The following RGS7 variants were observed in gnomAD, a reference collection of about 807,000 sequenced individuals.
The protein encoded by RGS7 is regulator of G protein signaling 7.
A neutral mutation model predicts 81.1 loss-of-function variants in RGS7; 27 were observed. The ratio of observed to expected loss-of-function variants is 0.33; its 90% CI spans 0.25 to 0.46. RGS7 has a LOEUF of 0.46. Among genes scored for constraint, RGS7 ranks in the 20% least tolerant of loss-of-function variants. RGS7 has a pLI of 1.00. For synonymous variants in RGS7, 208 were observed against 207.7 expected (o/e 1.00, Z -0.01); for missense variants, 396 against 607.4 (o/e 0.65, Z 3.66).
chr1:241,123,522 G>A (rs554860987), intron 2 of RGS7, among the ~76,000 whole-genome samples: 4 of 152,298 alleles, frequency 2.6e-5, no homozygotes, highest in East Asian at 1.9e-4. Flanking sequence ...ATGCCAAGGC[G>A]GGTGGATCAC....
chr1:240,964,725 T>C (rs534916511), intron 4 of RGS7, among the ~76,000 whole-genome samples: 18 of 152,328 alleles, frequency 1.2e-4, no homozygotes, highest in Admixed American at 7.2e-4. Flanking sequence ...GTTACTATTT[T>C]ATCACCCTAT....
At chr1:241,169,629 C>T (rs958842512) in intron 2 of RGS7, among the ~76,000 whole-genome samples, 3 of 152,090 alleles carry the variant, frequency 2.0e-5, no homozygotes. Context: ...AGGCGTGAAC[C>T]ACCCGCACCT....
chr1:241,069,592 G>A (rs1286824094), intron 3 of RGS7, among the ~76,000 whole-genome samples: 5 of 152,056 alleles, frequency 3.3e-5, no homozygotes, highest in Non-Finnish European at 5.9e-5. Context: ...AGTATAACAC[G>A]CTTCTCATTT....
chr1:241,203,436 TG>T (rs1335477921), intron 2 of RGS7, among the ~76,000 whole-genome samples: 76 of 152,102 alleles, frequency 5.0e-4, no homozygotes, highest in Non-Finnish European at 2.5e-4. Context: ...TTCACTGTGT[TG>T]GTCAGGATGG....
chr1:241,078,301 C>CTGTGTG (rs71568986), intron 3 of RGS7, among the ~76,000 whole-genome samples: 1,921 of 130,244 alleles, frequency 0.015, 24 homozygotes, highest in East Asian at 0.03. Context: ...CTTCTGGTCT[C>CTGTGTG]TGTGTGTGTG....
rs1682850029 is a variant in RGS7 at position 240,775,814 on chromosome 1, T to G, written c.*406A>C. The G allele has an allele frequency of 7.6e-6, 2 of 264,776 alleles. No individual in the cohort carries two copies. The highest frequency in any genetic ancestry group is 1.5e-5 in the Non-Finnish European group (2 of 135,132). The allele number at this position is 264,776 out of a possible 1,614,324, so 16.4% of individuals were successfully genotyped here. A position where few individuals can be genotyped will look rare whatever the true frequency, so the allele number is the denominator to read the frequency against. ...CTTTTTTCTTTTACAGTTCTTCCAG[T>G]TTTTGACTGACTGAATTTTCAGTGA... On this transcript the variant is annotated 3_prime_UTR_variant, in exon 19 of 19. Transcript: ENST00000440928.
intron 2 of RGS7, among the ~76,000 whole-genome samples, chr1:241,147,780 T>TTACATATATATATATATATATA (rs1553268796): frequency 4.5e-5 from 2 of 44,646 alleles, no homozygotes; most frequent in African/African-American, 1.3e-4. Context: ...AGATTAAGTT[T>TTACATATATATATATATATATA]TATATATATA....
intron 5 of RGS7, among the ~76,000 whole-genome samples, chr1:240,933,003 C>G (rs1030559070): frequency 6.7e-6 from 1 of 149,158 alleles, no homozygotes; most frequent in Non-Finnish European, 1.5e-5. Context: ...CCTGCCTCAG[C>G]CTCCCGAGTA....
intron 9 of RGS7, among the ~76,000 whole-genome samples, chr1:240,848,027 T>G (rs571878325): frequency 6.6e-6 from 1 of 152,270 alleles, no homozygotes; most frequent in African/African-American, 2.4e-5. Flanking sequence ...TAAAAACAAA[T>G]ACACTAAAAT....
chr1:241,318,666 G>C (rs1485825846), intron 2 of RGS7, among the ~76,000 whole-genome samples: 1 of 152,014 alleles, frequency 6.6e-6, no homozygotes, highest in Non-Finnish European at 1.5e-5. Context: ...AGTAGAGACA[G>C]GGCTTCTCCA....
At chr1:241,220,118 C>T (rs373517488) in intron 2 of RGS7, among the ~76,000 whole-genome samples, 35 of 152,274 alleles carry the variant, frequency 2.3e-4, no homozygotes, top group East Asian at 7.7e-4. Flanking sequence ...TGGTCTGCTT[C>T]ATTTTGTTAT....
At position 240,775,829 on chromosome 1, in the gene RGS7, A is replaced by C; in HGVS notation, c.*391T>G. On this transcript the variant is annotated 3_prime_UTR_variant, in exon 19 of 19. Transcript: ENST00000440928. ...GTTCTTCCAGTTTTTGACTGACTGA[A>C]TTTTCAGTGAACTGTGTGTCTAACT... is the stretch of plus-strand genomic sequence containing the variant. The C allele has an allele frequency of 3.7e-6, 1 of 271,434 alleles. No individual in the cohort carries two copies. The highest frequency in any genetic ancestry group is 5.4e-5 in the South Asian group (1 of 18,524). 16.8% of individuals were successfully genotyped at this position (271,434 alleles called of 1,614,324 possible).
chr1:240,990,090 G>T (rs1011941753), intron 3 of RGS7, among the ~76,000 whole-genome samples: 6 of 152,144 alleles, frequency 3.9e-5, no homozygotes, highest in African/African-American at 1.4e-4. Context: ...CCTGATGAAG[G>T]GTCTCAGCTG....
chr1:240,903,087 G>A (rs776939304), intron 6 of RGS7, among the ~76,000 whole-genome samples: 8 of 152,128 alleles, frequency 5.3e-5, no homozygotes, highest in Non-Finnish European at 1.0e-4. Flanking sequence ...AATCATGAAG[G>A]CAGAGTTCAG....
rs1005784894 is a variant in RGS7, at chr1:240,877,719, G to T, written c.386-7600C>A. 3.0e-4 allele frequency among the ~76,000 whole-genome samples: 45 copies of T among 152,104 alleles called. 1 individual carries two copies. The highest frequency in any genetic ancestry group is 2.8e-3 in the Admixed American group (43 of 15,268). On this transcript the variant is annotated intron_variant, in intron 6 of 18. Coordinates refer to ENST00000440928, the MANE Select transcript of RGS7 (RefSeq NM_001364886.1). ...TGCTAACAGTTGTGTGAACATACAC[G>T]CATGTATATATATGTGTCTTTATGT...
At chr1:241,195,756 T>G (rs2073021811) in intron 2 of RGS7, among the ~76,000 whole-genome samples, 1 of 145,152 alleles carries the variant, frequency 6.9e-6, no homozygotes, top group Admixed American at 6.7e-5. Context: ...GAAAAAATAG[T>G]GAATTGGAAG....
At chr1:240,879,982 A>G (rs1666099719) in intron 6 of RGS7, among the ~76,000 whole-genome samples, 1 of 152,216 alleles carries the variant, frequency 6.6e-6, no homozygotes, top group Non-Finnish European at 1.5e-5. Flanking sequence ...TAAAAAGTCT[A>G]TATTTGCTGA....
intron 2 of RGS7, among the ~76,000 whole-genome samples, chr1:241,250,523 G>C (rs368512959): frequency 1.3e-4 from 19 of 151,964 alleles, no homozygotes; most frequent in Middle Eastern, 6.8e-3. Flanking sequence ...TTTAAAATGT[G>C]AGAATAAATG....
chr1:241,337,455 T>G (rs533026405), intron 2 of RGS7, among the ~76,000 whole-genome samples: 1 of 152,092 alleles, frequency 6.6e-6, no homozygotes, highest in Non-Finnish European at 1.5e-5. Context: ...CCCCACTGGT[T>G]CCTGCACAAT....
Sources: gnomAD v4.1 joint callset for allele counts (sites outside exome capture counted in the v4.1 genomes callset) on GRCh38, gnomAD v4.1.1 for gene constraint, MANE v1.5 for transcripts, NCBI Gene and HGNC (gene_info 2026-07-23, HGNC 2026-07-21) for gene names.